Variants in SPOUT1 observed in about 807,000 individuals in gnomAD.
The protein encoded by SPOUT1 is 28S rRNA (uridine-N(3))-methyltransferase.
Under a neutral mutation model 54.8 loss-of-function variants are expected in SPOUT1, and 40 were observed. That is an observed-to-expected ratio of 0.73 (90% CI 0.57 to 0.95). The LOEUF (loss-of-function observed/expected upper bound fraction) is 0.95. SPOUT1 is among the 40% of genes least tolerant of loss of function. SPOUT1 has a pLI of 0.00. For synonymous variants in SPOUT1, 193 were observed against 200.3 expected, an observed-to-expected ratio of 0.96 and a Z score of 0.31; for missense variants, 437 against 499.5, an observed-to-expected ratio of 0.87 and a Z score of 1.19.
Position 128,824,810 on chromosome 9 carries a change from G to A in SPOUT1, c.772C>T (p.Leu258Phe). The A allele has an allele frequency of 6.2e-7, 1 of 1,614,084 alleles. No homozygotes were observed. The highest frequency in any genetic ancestry group is 1.7e-5 in the Admixed American group (1 of 60,010). The stretch of plus-strand genomic sequence containing the variant: ...AGTCGGACGGTGTAGCCCCAGTAGA[G>A]ACCAGCTTTGGTGCGAGGGTCCTGC... ...SSQDPRTKAG[L>F]YWGYTVRLAS... is the part of the protein sequence containing the mutation. Residue 258 changes from leucine (L) to phenylalanine (F), a missense_variant, in exon 9 of 12, where the codon CTC becomes TTC. Coordinates refer to ENST00000361256, the MANE Select transcript of SPOUT1 (RefSeq NM_016390.4).
At position 128,824,721 on chromosome 9, in the gene SPOUT1, A is replaced by G. The variant is rs145398424; in HGVS notation, c.811+50T>C. 1,132 of 1,433,816 alleles carry G rather than the reference A, an allele frequency of 7.9e-4. 23 individuals are homozygous for G. The East Asian group carries it at 0.02, about 25-fold the overall frequency. 88.8% of individuals were successfully genotyped at this position (1,433,816 alleles called of 1,614,324 possible). ...TTTGGGTCAGGCAAGGCTCCCGGCC[A>G]CCTCCCAGAGGGATGGATGGATATT... On this transcript the variant is annotated intron_variant, in intron 9 of 11. Transcript: ENST00000361256.
Position 128,819,812 on chromosome 9 carries a change from A to C in SPOUT1, c.*2953T>G, listed in dbSNP as rs1231855345. On this transcript the variant is annotated 3_prime_UTR_variant, in exon 12 of 12. Transcript: ENST00000361256. The stretch of plus-strand genomic sequence containing the variant: ...GGGCAACAACGACAGATCAGGCATT[A>C]GGTTTTCAAAAGAAGCGCGCAACCT... The C allele has an allele frequency of 1.3e-5, 2 of 152,804 alleles. No homozygotes were observed. The highest frequency in any genetic ancestry group is 4.8e-5 in the African/African-American group (2 of 41,446). The allele number at this position is 152,804 out of a possible 1,614,324, so 9.5% of individuals were successfully genotyped here.
At position 128,824,788 on chromosome 9, in the gene SPOUT1, C is replaced by A; in HGVS notation, c.794G>T (p.Arg265Leu). The change falls in exon 9 of 12, where the codon CGA (arginine) becomes CTA (leucine). Residue 265 changes from arginine (R) to leucine (L), a missense_variant. Coordinates refer to ENST00000361256, the MANE Select transcript of SPOUT1 (RefSeq NM_016390.4). ...GTCCTTACTGAGGCAGGAAGCCAGT[C>A]GGACGGTGTAGCCCCAGTAGAGACC... ...KAGLYWGYTV[R>L]LASCLSAVFA... 1 of 1,613,232 alleles carries A rather than the reference C, an allele frequency of 6.2e-7. No individual in the cohort carries two copies. Among genetic ancestry groups the A allele is most frequent in the Non-Finnish European group, 8.5e-7 (1 of 1,179,236 alleles).
intron 9 of SPOUT1, 104 bp from the exon 10 acceptor site, chr9:128,824,278 T>G (rs1461774441): frequency 5.1e-6 from 3 of 584,598 alleles, no homozygotes; most frequent in Non-Finnish European, 9.5e-6. Context: ...AAGAGCTGTG[T>G]GGTGTGTGTG....
rs1237747271 is a variant in SPOUT1 at position 128,826,092 on chromosome 9, C to T, written c.569G>A (p.Arg190Gln). 31 of 1,613,774 alleles carry T rather than the reference C, an allele frequency of 1.9e-5. No individual in the cohort carries two copies. Among genetic ancestry groups the T allele is most frequent in the Non-Finnish European group, 2.4e-5 (28 of 1,179,856 alleles). Residue 190 changes from arginine (R) to glutamine (Q), a missense_variant, in exon 7 of 12, where the codon CGA becomes CAA. Coordinates refer to ENST00000361256, the MANE Select transcript of SPOUT1 (RefSeq NM_016390.4). The surrounding 1 kb of genome is among the most constrained non-coding windows in gnomAD (Gnocchi z 5.5). Reference protein sequence around the residue: ...HMRQDEESEFREGIVVDRPTR... With the variant: ...HMRQDEESEFQEGIVVDRPTR... The stretch of plus-strand genomic sequence containing the variant: ...GGGCCGATCCACCACGATGCCCTCT[C>T]GGAACTCGGATTCCTCATCCTGACG...
chr9:128,824,719 C>T, intron 9 of SPOUT1, 52 bp downstream of exon 9: 1 of 1,415,404 alleles, frequency 7.1e-7, no homozygotes, highest in Non-Finnish European at 1.0e-6. Flanking sequence ...AGGCTCCCGG[C>T]CACCTCCCAG....
rs1421353139 is a variant in SPOUT1 at position 128,824,870 on chromosome 9, C to T, written c.713-1G>A. The T allele has an allele frequency of 1.2e-5, 20 of 1,612,784 alleles. No homozygotes were observed. The highest frequency in any genetic ancestry group is 1.4e-5 in the Non-Finnish European group (17 of 1,178,970). On this transcript the variant is annotated splice_acceptor_variant, in intron 8 of 11. Coordinates refer to ENST00000361256, the MANE Select transcript of SPOUT1 (RefSeq NM_016390.4). LOFTEE classifies it high-confidence loss of function. ...ACTTTGCCATGGTAGGTCTTGCAGTCTGGAGGGGTAACAGAGTCTGTAAAG... is the reference window on the plus strand; with the variant it reads ...ACTTTGCCATGGTAGGTCTTGCAGTTTGGAGGGGTAACAGAGTCTGTAAAG...
At chr9:128,824,297 TGTGC>T (rs143645110) in intron 9 of SPOUT1, 123 bp from the exon 10 acceptor site, 16,542 of 587,642 alleles carry the variant, frequency 0.028, 144 homozygotes, top group African/African-American at 0.049. Flanking sequence ...TGTGTGTGTG[TGTGC>T]GTGTGTGTAC....
Position 128,820,976 on chromosome 9 carries a change from AG to A in SPOUT1, c.*1788del. 1.2e-6 allele frequency: 1 copy of A among 806,802 alleles called. No individual in the cohort carries two copies. Among genetic ancestry groups the A allele is most frequent in the Non-Finnish European group, 2.0e-6 (1 of 504,406 alleles). The allele number at this position is 806,802 out of a possible 1,614,324, so 50.0% of individuals were successfully genotyped here. A position where few individuals can be genotyped will look rare whatever the true frequency, so the allele number is the denominator to read the frequency against. On this transcript the variant is annotated 3_prime_UTR_variant, in exon 12 of 12. Transcript: ENST00000361256. ...TCCCTACTCATCTGGTTTCTTGGCA[AG>A]CCTGTCAGCTTCCCTGCCTCGAGTC... is the stretch of plus-strand genomic sequence containing the variant.
At position 128,826,891 on chromosome 9, in the gene SPOUT1, C is replaced by G; in HGVS notation, c.368+141G>C. ...CACCCCCACCTGGCAACTCTACCCA[C>G]TAAGGATTACACAGGGAATATTTCA... On this transcript the variant is annotated intron_variant, in intron 4 of 11. Transcript: ENST00000361256. This position sits in a 1 kb window ranked among gnomAD's most constrained non-coding sequence, Gnocchi z 5.5. The G allele has an allele frequency of 1.1e-6, 1 of 940,874 alleles. No individual in the cohort carries two copies. The allele number at this position is 940,874 out of a possible 1,614,324, so 58.3% of individuals were successfully genotyped here.
At position 128,826,762 on chromosome 9, in the gene SPOUT1, G is replaced by A. The variant is rs752729722; in HGVS notation, c.369-133C>T. On this transcript the variant is annotated intron_variant, in intron 4 of 11. Coordinates refer to ENST00000361256, the MANE Select transcript of SPOUT1 (RefSeq NM_016390.4). This position sits in a 1 kb window ranked among gnomAD's most constrained non-coding sequence, Gnocchi z 5.5. ...GGATCATCTGAGTGCAGCAAGTAGA[G>A]GCTGCAGTGAGCCATGACCATGCCA... 13 of 697,594 alleles carry A rather than the reference G, an allele frequency of 1.9e-5. No individual in the cohort carries two copies. Among genetic ancestry groups the A allele is most frequent in the South Asian group, 3.8e-5 (2 of 53,128 alleles). 43.2% of individuals were successfully genotyped at this position (697,594 alleles called of 1,614,324 possible).
Position 128,826,808 on chromosome 9 carries a change from G to A in SPOUT1, c.369-179C>T, listed in dbSNP as rs972922254. Among the ~76,000 whole-genome samples, 1 of 152,164 alleles carries A rather than the reference G, an allele frequency of 6.6e-6. No homozygotes were observed. Among genetic ancestry groups the A allele is most frequent in the Non-Finnish European group, 1.5e-5 (1 of 68,022 alleles). ...TGCCACTGCATGCACTCCAGCCGGG[G>A]TGACAGCTGAGATACAGGTTTAGGC... On this transcript the variant is annotated intron_variant, in intron 4 of 11. Coordinates refer to ENST00000361256, the MANE Select transcript of SPOUT1 (RefSeq NM_016390.4). The surrounding 1 kb of genome is among the most constrained non-coding windows in gnomAD (Gnocchi z 5.5).
Position 128,824,185 on chromosome 9 carries a change from G to GCCAC in SPOUT1, c.812-12_812-11insGTGG. ...CAGCAAACACAGCACCTGGGGGTGG[G>GCCAC]GCCAGCTCAGTGCAGGTCCTGCTCC... On this transcript the variant is annotated splice_polypyrimidine_tract_variant and intron_variant, in intron 9 of 11. Transcript: ENST00000361256. The GCCAC allele has an allele frequency of 1.9e-6, 3 of 1,566,876 alleles. No homozygotes were observed. Among genetic ancestry groups the GCCAC allele is most frequent in the Non-Finnish European group, 2.6e-6 (3 of 1,138,248 alleles).
In SPOUT1 at chr9:128,828,725, C is replaced by T. The variant is rs1343989910; in HGVS notation, c.208+10G>A. 6.2e-6 allele frequency: 10 copies of T among 1,612,924 alleles called. No individual in the cohort carries two copies. Among genetic ancestry groups the T allele is most frequent in the Non-Finnish European group, 8.5e-6 (10 of 1,180,006 alleles). On this transcript the variant is annotated intron_variant, in intron 3 of 11. Coordinates refer to ENST00000361256, the MANE Select transcript of SPOUT1 (RefSeq NM_016390.4). Reference sequence around the variant, plus strand: ...CACAACCTGTGGCCCTCCCCAAGACCCCAGCTCACCGCGGTCCTCCTTCTC... The same window carrying T: ...CACAACCTGTGGCCCTCCCCAAGACTCCAGCTCACCGCGGTCCTCCTTCTC...
chr9:128,820,073 G>A lies in SPOUT1; in HGVS notation c.*2692C>T, dbSNP rs1474271143. 1 of 152,348 alleles carries A rather than the reference G, an allele frequency of 6.6e-6. No homozygotes were observed. The highest frequency in any genetic ancestry group is 1.5e-5 in the Non-Finnish European group (1 of 68,132). The allele number at this position is 152,348 out of a possible 1,614,324, so 9.4% of individuals were successfully genotyped here. On this transcript the variant is annotated 3_prime_UTR_variant, in exon 12 of 12. Coordinates refer to ENST00000361256, the MANE Select transcript of SPOUT1 (RefSeq NM_016390.4). Reference sequence around the variant, plus strand: ...TAGTCTATAAAACCGTGAGCCTCCAGACATTGTCCTACCCTGCCTGCCTTC... The same window carrying A: ...TAGTCTATAAAACCGTGAGCCTCCAAACATTGTCCTACCCTGCCTGCCTTC...
intron 1 of SPOUT1, 70 bp downstream of exon 1, chr9:128,829,675 G>C: frequency 8.1e-7 from 1 of 1,234,744 alleles, no homozygotes; most frequent in African/African-American, 1.5e-5. Context: ...CCCCGGCGAA[G>C]GCCCCCACGC....
At position 128,829,728 on chromosome 9, in the gene SPOUT1, C is replaced by T; in HGVS notation, c.36+17G>A. 1 of 1,588,522 alleles carries T rather than the reference C, an allele frequency of 6.3e-7. No homozygotes were observed. The highest frequency in any genetic ancestry group is 8.6e-7 in the Non-Finnish European group (1 of 1,165,924). Reference sequence around the variant, plus strand: ...CCACCATGCTGCCCTGCACGGGGTCCCGCCGCCCGCACTTACCGGGCCGCA... The same window carrying T: ...CCACCATGCTGCCCTGCACGGGGTCTCGCCGCCCGCACTTACCGGGCCGCA... On this transcript the variant is annotated intron_variant, in intron 1 of 11. Coordinates refer to ENST00000361256, the MANE Select transcript of SPOUT1 (RefSeq NM_016390.4).
Position 128,820,944 on chromosome 9 carries a change from T to G in SPOUT1, c.*1821A>C. ...AGGCTTGCCCCAGGCTCTGGGTCAA[T>G]ACCAGTTCCCTACTCATCTGGTTTC... On this transcript the variant is annotated 3_prime_UTR_variant, in exon 12 of 12. Coordinates refer to ENST00000361256, the MANE Select transcript of SPOUT1 (RefSeq NM_016390.4). The G allele has an allele frequency of 9.0e-7, 1 of 1,107,400 alleles. No homozygotes were observed. Among genetic ancestry groups the G allele is most frequent in the Non-Finnish European group, 1.3e-6 (1 of 754,204 alleles). 68.6% of individuals were successfully genotyped at this position (1,107,400 alleles called of 1,614,324 possible). A position where few individuals can be genotyped will look rare whatever the true frequency, so the allele number is the denominator to read the frequency against.
chr9:128,821,630 A>T lies in SPOUT1; in HGVS notation c.*1135T>A. 6.5e-6 allele frequency: 1 copy of T among 154,912 alleles called. No homozygotes were observed. The highest frequency in any genetic ancestry group is 6.4e-5 in the Admixed American group (1 of 15,636). 9.6% of individuals were successfully genotyped at this position (154,912 alleles called of 1,614,324 possible). On this transcript the variant is annotated 3_prime_UTR_variant, in exon 12 of 12. Transcript: ENST00000361256. ...GCTCCGTGGTTTTTCTGGCCTGCAG[A>T]GGGCTGGGGCTGAGAGGCAACAGGT...
Sources: gnomAD v4.1 joint callset for allele counts (sites outside exome capture counted in the v4.1 genomes callset) on GRCh38, gnomAD v4.1.1 for gene constraint, Gnocchi (gnomAD v3.1) non-coding constraint, MANE v1.5 for transcripts, NCBI Gene and HGNC (gene_info 2026-07-23, HGNC 2026-07-21) for gene names.